Variants in ANTXR1 observed in about 807,000 individuals in gnomAD.
ANTXR1 encodes the protein ANTXR cell adhesion molecule 1, also known as anthrax toxin receptor 1.
ANTXR1 carries 19 observed loss-of-function variants against 78.1 expected under a neutral mutation model. The observed-to-expected ratio is 0.24, with a 90% CI of 0.17 to 0.36. The LOEUF (loss-of-function observed/expected upper bound fraction) is 0.36, where lower values mean the gene tolerates loss of function less well. Ranked by LOEUF, ANTXR1 falls within the 10% of genes least tolerant of loss-of-function variation. The probability of loss-of-function intolerance (pLI) is 1.00; values close to 1 mark genes in which losing one functional copy is unlikely to be tolerated. For synonymous variants in ANTXR1, 273 were observed against 260.5 expected (o/e 1.05, Z -0.46); for missense variants, 518 against 718.6 (o/e 0.72, Z 3.19).
At chr2:69,139,724 G>A (rs1040498857) in intron 12 of ANTXR1, among the ~76,000 whole-genome samples, 2 of 152,096 alleles carry the variant, frequency 1.3e-5, no homozygotes, top group Non-Finnish European at 2.9e-5. Flanking sequence ...ATTGTAGGTG[G>A]TGTTTACTTA....
chr2:69,160,065 C>T lies in ANTXR1; in HGVS notation c.1047+7801C>T, dbSNP rs550130823. Among the ~76,000 whole-genome samples the T allele has an allele frequency of 2.6e-5, 4 of 152,350 alleles. No homozygotes were observed. The South Asian group carries it at 8.3e-4, about 32-fold the overall frequency. On this transcript the variant is annotated intron_variant, in intron 13 of 17. Coordinates refer to ENST00000303714, the MANE Select transcript of ANTXR1 (RefSeq NM_032208.3). ...GACAGGCAACTTCTGATGCAGGCAT[C>T]TTGGGCCTAATACTGATTGTGCCTT...
intron 9 of ANTXR1, 24 bp downstream of exon 9, chr2:69,090,943 T>C: frequency 6.2e-7 from 1 of 1,607,326 alleles, no homozygotes; most frequent in Non-Finnish European, 8.5e-7. Flanking sequence ...AAATGCTAAT[T>C]GCTTTCATAC....
intron 10 of ANTXR1, among the ~76,000 whole-genome samples, chr2:69,107,944 G>C (rs1273874163): frequency 6.6e-6 from 1 of 152,088 alleles, no homozygotes; most frequent in African/African-American, 2.4e-5. Flanking sequence ...TCACTTTAAA[G>C]TTCAGAAGAA....
intron 17 of ANTXR1, among the ~76,000 whole-genome samples, chr2:69,201,539 A>G (rs1217029767): frequency 6.6e-6 from 1 of 152,200 alleles, no homozygotes; most frequent in African/African-American, 2.4e-5. Flanking sequence ...TCGGATGTGC[A>G]TTTTAGAAAG....
chr2:69,115,903 C>T (rs552579932), intron 10 of ANTXR1, among the ~76,000 whole-genome samples: 1 of 152,274 alleles, frequency 6.6e-6, no homozygotes, highest in South Asian at 2.1e-4. Context: ...TTAAAGGCAT[C>T]CCTCTGGCTT....
intron 3 of ANTXR1, among the ~76,000 whole-genome samples, chr2:69,069,974 A>C (rs1670517473): frequency 6.6e-6 from 1 of 152,350 alleles, no homozygotes; most frequent in Middle Eastern, 3.4e-3. Context: ...AGAAACATGA[A>C]TGTAGACTTC....
intron 16 of ANTXR1, among the ~76,000 whole-genome samples, chr2:69,191,393 C>T (rs1674539836): frequency 6.6e-6 from 1 of 152,108 alleles, no homozygotes; most frequent in African/African-American, 2.4e-5. Flanking sequence ...TAACACTGCC[C>T]CTATATAAAT....
At chr2:69,014,070 ATTTTGT>A (rs1193522951) in intron 1 of ANTXR1, among the ~76,000 whole-genome samples, 6 of 152,092 alleles carry the variant, frequency 3.9e-5, no homozygotes, top group Middle Eastern at 3.2e-3. Context: ...CAATCGTCGC[ATTTTGT>A]TTTTGTTTTT....
chr2:69,235,122 C>G (rs866908021), intron 17 of ANTXR1, among the ~76,000 whole-genome samples: 1 of 145,168 alleles, frequency 6.9e-6, no homozygotes, highest in South Asian at 2.2e-4. Flanking sequence ...CTCCTGGGTT[C>G]AAGCGATTCT....
chr2:69,100,323 A>G (rs1016936334), intron 9 of ANTXR1, among the ~76,000 whole-genome samples: 4 of 152,192 alleles, frequency 2.6e-5, no homozygotes, highest in African/African-American at 4.8e-5. Context: ...AAATGTGTGC[A>G]CTAACACAGA....
At chr2:69,141,440 G>C (rs1339927307) in intron 12 of ANTXR1, among the ~76,000 whole-genome samples, 1 of 152,208 alleles carries the variant, frequency 6.6e-6, no homozygotes, top group African/African-American at 2.4e-5. Flanking sequence ...AGGCAGTGGA[G>C]TTTTAGGTTT....
rs1054759941 is a variant in ANTXR1, at chr2:69,027,872, CAG to C, written c.153-12171_153-12170del. Among the ~76,000 whole-genome samples, 11 of 144,496 alleles carry C rather than the reference CAG, an allele frequency of 7.6e-5. 1 individual carries two copies. Among genetic ancestry groups the C allele is most frequent in the Admixed American group, 6.9e-4 (10 of 14,538 alleles). The allele number at this position is 144,496 out of a possible 152,430, so 94.8% of individuals were successfully genotyped here. On this transcript the variant is annotated intron_variant, in intron 1 of 17. Coordinates refer to ENST00000303714, the MANE Select transcript of ANTXR1 (RefSeq NM_032208.3). ...ATGACTTCAATTAAGTTAAATAAAA[CAG>C]TAAATTTGTGAAACAGGAGAAAAAA... is the stretch of plus-strand genomic sequence containing the variant.
chr2:69,108,324 T>A (rs1388522873), intron 10 of ANTXR1, among the ~76,000 whole-genome samples: 1 of 152,160 alleles, frequency 6.6e-6, no homozygotes, highest in Non-Finnish European at 1.5e-5. Flanking sequence ...TGAACAGAAC[T>A]ACTAGGCTAC....
chr2:69,143,813 A>T (rs970980523), intron 12 of ANTXR1, among the ~76,000 whole-genome samples: 4 of 152,138 alleles, frequency 2.6e-5, no homozygotes, highest in African/African-American at 4.8e-5. Flanking sequence ...GTACAAGAAG[A>T]AGCCCATGAG....
chr2:69,150,760 T>A (rs1466649631), intron 12 of ANTXR1, among the ~76,000 whole-genome samples: 1 of 152,054 alleles, frequency 6.6e-6, no homozygotes, highest in African/African-American at 2.4e-5. Context: ...GGCTCACACC[T>A]ATAGTCCCAG....
At chr2:69,127,998 G>A (rs941976925) in intron 12 of ANTXR1, among the ~76,000 whole-genome samples, 4 of 152,128 alleles carry the variant, frequency 2.6e-5, no homozygotes, top group African/African-American at 7.2e-5. Context: ...AGACATAGGC[G>A]GGTGGATCAC....
chr2:69,054,511 G>A (rs1477698422), intron 3 of ANTXR1, among the ~76,000 whole-genome samples: 1 of 152,138 alleles, frequency 6.6e-6, no homozygotes. Context: ...CACAGATGGG[G>A]GTACGAGGTT....
chr2:69,219,704 G>A (rs1329522140), intron 17 of ANTXR1, among the ~76,000 whole-genome samples: 2 of 152,098 alleles, frequency 1.3e-5, no homozygotes, highest in East Asian at 3.9e-4. Context: ...AATTCTCTTG[G>A]TAATCATGAT....
chr2:69,141,483 GTC>G (rs1673066865), intron 12 of ANTXR1, among the ~76,000 whole-genome samples: 1 of 152,110 alleles, frequency 6.6e-6, no homozygotes. Context: ...AAGTCTTTGA[GTC>G]CAGTGTGCGC....
Sources: allele counts gnomAD v4.1 joint callset (sites outside exome capture counted in the v4.1 genomes callset), GRCh38; gene constraint gnomAD v4.1.1; transcripts MANE v1.5; gene names NCBI Gene and HGNC (gene_info 2026-07-23, HGNC 2026-07-21).